The following GALNT17 variants were observed in gnomAD, a reference collection of about 807,000 sequenced individuals.
GALNT17 encodes UDP-GalNAc:polypeptide N-acetylgalactosaminyltransferase-like 3.
Under a neutral mutation model 63.7 loss-of-function variants are expected in GALNT17, and 29 were observed. The observed-to-expected ratio is 0.46, with a 90% CI of 0.34 to 0.62. The LOEUF is 0.62. Ranked by LOEUF, GALNT17 falls within the 20% of genes least tolerant of loss-of-function variation. The pLI, the probability that GALNT17 is intolerant of heterozygous loss-of-function variation, is 0.01. For synonymous variants in GALNT17, 305 were observed against 318.3 expected (o/e 0.96, Z 0.45); for missense variants, 603 against 799.6 (o/e 0.75, Z 2.97).
chr7:71,535,753 C>A (rs2116792319), intron 5 of GALNT17, among the ~76,000 whole-genome samples: 1 of 152,214 alleles, frequency 6.6e-6, no homozygotes, highest in East Asian at 1.9e-4. Flanking sequence ...GTCATGATTT[C>A]TTTGTACCTG....
At chr7:71,605,387 A>G (rs1348021143) in intron 6 of GALNT17, among the ~76,000 whole-genome samples, 1 of 152,028 alleles carries the variant, frequency 6.6e-6, no homozygotes, top group Non-Finnish European at 1.5e-5. Flanking sequence ...AGAGATCGAG[A>G]CCATCCTGGC....
At chr7:71,606,314 C>T (rs1452297556) in intron 6 of GALNT17, among the ~76,000 whole-genome samples, 2 of 152,106 alleles carry the variant, frequency 1.3e-5, no homozygotes, top group Non-Finnish European at 2.9e-5. Flanking sequence ...AACACTCTTT[C>T]GAAAGTTACT....
At chr7:71,670,903 C>CGCGT (rs1299428018) in intron 8 of GALNT17, among the ~76,000 whole-genome samples, 17 of 69,124 alleles carry the variant, frequency 2.5e-4, no homozygotes, top group Non-Finnish European at 3.8e-4. Context: ...TGTGTGTGTG[C>CGCGT]GTGTGTGTGT....
intron 3 of GALNT17, among the ~76,000 whole-genome samples, chr7:71,394,969 G>T (rs1563061277): frequency 6.6e-6 from 1 of 151,994 alleles, no homozygotes; most frequent in African/African-American, 2.4e-5. Flanking sequence ...GGGTGTGGTG[G>T]CACGTGCCTG....
chr7:71,315,012 G>A (rs897380688), intron 1 of GALNT17, among the ~76,000 whole-genome samples: 1 of 152,124 alleles, frequency 6.6e-6, no homozygotes, highest in Non-Finnish European at 1.5e-5. Context: ...AACAAACATT[G>A]TACCCATTGG....
At chr7:71,407,179 GA>G (rs1204216170) in intron 3 of GALNT17, among the ~76,000 whole-genome samples, 4 of 152,130 alleles carry the variant, frequency 2.6e-5, no homozygotes, top group Non-Finnish European at 5.9e-5. Context: ...AAGAGCTCAG[GA>G]ACTCAAGTCC....
chr7:71,458,575 G>C (rs73365669), intron 5 of GALNT17, among the ~76,000 whole-genome samples: 27,336 of 152,168 alleles, frequency 0.18, 3,249 homozygotes, highest in East Asian at 0.55. Context: ...TTGGTGCCTG[G>C]GTTCTTGCCT....
At chr7:71,673,306 G>A (rs1025989647) in intron 8 of GALNT17, among the ~76,000 whole-genome samples, 23 of 152,278 alleles carry the variant, frequency 1.5e-4, no homozygotes, top group African/African-American at 5.5e-4. Context: ...TTAGTTGAAT[G>A]TAATGCATTC....
At chr7:71,646,793 C>G (rs1790682344) in intron 6 of GALNT17, among the ~76,000 whole-genome samples, 1 of 142,534 alleles carries the variant, frequency 7.0e-6, no homozygotes, top group Non-Finnish European at 1.5e-5. Context: ...GTCACCCAGG[C>G]TGGAGTGCAG....
At chr7:71,677,951 A>G (rs923039639) in intron 9 of GALNT17, among the ~76,000 whole-genome samples, 27 of 151,966 alleles carry the variant, frequency 1.8e-4, no homozygotes, top group African/African-American at 5.8e-4. Flanking sequence ...TGGGTGAGCA[A>G]TGCCAGACAG....
rs181923618 is a variant in GALNT17, at chr7:71,144,997, G to A, written c.238+11957G>A. Among the ~76,000 whole-genome samples the A allele has an allele frequency of 3.3e-5, 5 of 152,194 alleles. No homozygotes were observed. The South Asian group carries it at 6.2e-4, about 19-fold the overall frequency. On this transcript the variant is annotated intron_variant, in intron 1 of 10. Coordinates refer to ENST00000333538, the MANE Select transcript of GALNT17 (RefSeq NM_022479.3). Reference sequence around the variant, plus strand: ...CCCACCTTGGCCTCCCAAAATGCTGGGAATACAGGTGTGAGCCACTGTGCC... The same window carrying A: ...CCCACCTTGGCCTCCCAAAATGCTGAGAATACAGGTGTGAGCCACTGTGCC...
intron 6 of GALNT17, among the ~76,000 whole-genome samples, chr7:71,616,592 C>T (rs1241039452): frequency 7.0e-6 from 1 of 143,316 alleles, no homozygotes; most frequent in Non-Finnish European, 1.5e-5. Context: ...GATATTAGGC[C>T]TTTATTGGAT....
chr7:71,668,461 A>G lies in GALNT17; in HGVS notation c.1267-1511A>G, dbSNP rs544134679. On this transcript the variant is annotated intron_variant, in intron 7 of 10. Coordinates refer to ENST00000333538, the MANE Select transcript of GALNT17 (RefSeq NM_022479.3). The stretch of plus-strand genomic sequence containing the variant: ...AACCTGGGAGGCAGAGGTTGCGGTG[A>G]GCCAAGATCGCACCATTGCACTCCA... 4.9e-5 allele frequency among the ~76,000 whole-genome samples: 7 copies of G among 141,636 alleles called. No individual in the cohort carries two copies. The Admixed American group carries it at 5.6e-4, about 11-fold the overall frequency. The allele number at this position is 141,636 out of a possible 152,430, so 92.9% of individuals were successfully genotyped here.
chr7:71,328,490 G>A (rs1791743090), intron 1 of GALNT17, among the ~76,000 whole-genome samples: 1 of 152,096 alleles, frequency 6.6e-6, no homozygotes, highest in Admixed American at 6.6e-5. Flanking sequence ...CAGAAAAGAA[G>A]GTTTCTTGGG....
intron 6 of GALNT17, among the ~76,000 whole-genome samples, chr7:71,593,827 A>G (rs920506789): frequency 1.3e-5 from 2 of 152,180 alleles, no homozygotes; most frequent in African/African-American, 4.8e-5. Context: ...TGCTTTCTCC[A>G]TGTGACAGAA....
chr7:71,611,616 C>A (rs1379563878), intron 6 of GALNT17, among the ~76,000 whole-genome samples: 2 of 152,050 alleles, frequency 1.3e-5, no homozygotes, highest in Non-Finnish European at 2.9e-5. Flanking sequence ...TGACAAAGAA[C>A]TCTTGTCACG....
intron 8 of GALNT17, among the ~76,000 whole-genome samples, chr7:71,674,433 ACTC>A (rs1791117773): frequency 6.6e-6 from 1 of 151,722 alleles, no homozygotes; most frequent in East Asian, 1.9e-4. Flanking sequence ...ATAGCCAAGA[ACTC>A]CTCTGCTCAA....
At chr7:71,642,214 G>A (rs1790614220) in intron 6 of GALNT17, among the ~76,000 whole-genome samples, 1 of 152,172 alleles carries the variant, frequency 6.6e-6, no homozygotes, top group Admixed American at 6.5e-5. Flanking sequence ...CCTTACAGCA[G>A]GCCAGAAAGC....
intron 1 of GALNT17, among the ~76,000 whole-genome samples, chr7:71,151,773 G>A (rs1206975087): frequency 2.0e-5 from 3 of 152,014 alleles, no homozygotes; most frequent in Non-Finnish European, 4.4e-5. Context: ...TGGCTAAGTT[G>A]TTTGTAATTA....
Sources: allele counts gnomAD v4.1 joint callset (sites outside exome capture counted in the v4.1 genomes callset), GRCh38; gene constraint gnomAD v4.1.1; transcripts MANE v1.5; gene names NCBI Gene and HGNC (gene_info 2026-07-23, HGNC 2026-07-21).